CDH2: variants seen among roughly 807,000 people sequenced by gnomAD.
CDH2 encodes the protein cadherin 2.
Under a neutral mutation model 92.0 loss-of-function variants are expected in CDH2, and 17 were observed. The observed-to-expected ratio is 0.18, with a 90% CI of 0.13 to 0.28. The LOEUF (loss-of-function observed/expected upper bound fraction) is 0.28. Ranked by LOEUF, CDH2 falls within the 10% of genes least tolerant of loss-of-function variation. The pLI is 1.00. For missense variants in CDH2, 862 were observed against 1,133.1 expected (o/e 0.76, Z 3.44); for synonymous variants, 419 against 415.9 (o/e 1.01, Z -0.09).
intron 1 of CDH2, among the ~76,000 whole-genome samples, chr18:28,166,176 CTG>C (rs1465079116): frequency 2.4e-5 from 1 of 41,156 alleles, no homozygotes; most frequent in Non-Finnish European, 4.1e-5. Flanking sequence ...ATATATATGT[CTG>C]TATTTTAATT....
intron 1 of CDH2, among the ~76,000 whole-genome samples, chr18:28,171,388 T>G (rs1287731384): frequency 6.6e-6 from 1 of 151,868 alleles, no homozygotes; most frequent in African/African-American, 2.4e-5. Context: ...ATAAAACTAA[T>G]AAAAAAAATT....
chr18:27,954,789 A>G (rs568124924), intron 15 of CDH2, among the ~76,000 whole-genome samples: 1 of 152,290 alleles, frequency 6.6e-6, no homozygotes, highest in South Asian at 2.1e-4. Flanking sequence ...ATATTATTGC[A>G]ATGTATTCTG....
intron 2 of CDH2, among the ~76,000 whole-genome samples, chr18:28,131,855 GA>G (rs1713899346): frequency 6.6e-6 from 1 of 152,074 alleles, no homozygotes; most frequent in South Asian, 2.1e-4. Flanking sequence ...CTCTGCAATA[GA>G]TATTACTCCC....
intron 1 of CDH2, among the ~76,000 whole-genome samples, chr18:28,165,961 G>A (rs928786095): frequency 2.0e-5 from 3 of 151,258 alleles, no homozygotes; most frequent in African/African-American, 7.3e-5. Flanking sequence ...ACAAAATAAA[G>A]CAAGACCTCT....
At chr18:27,986,699 G>A (rs977046803) in intron 11 of CDH2, among the ~76,000 whole-genome samples, 2 of 152,158 alleles carry the variant, frequency 1.3e-5, no homozygotes, top group African/African-American at 4.8e-5. Flanking sequence ...CCTGGGGAGG[G>A]AATAAGGAGG....
intron 2 of CDH2, among the ~76,000 whole-genome samples, chr18:28,144,827 AAC>A (rs1373011639): frequency 2.0e-5 from 3 of 152,088 alleles, no homozygotes; most frequent in Non-Finnish European, 4.4e-5. Flanking sequence ...TTTCACAAAA[AAC>A]ACACGGTTAA....
chr18:28,123,782 T>C (rs1206270469), intron 2 of CDH2, among the ~76,000 whole-genome samples: 2 of 152,104 alleles, frequency 1.3e-5, no homozygotes, highest in Admixed American at 1.3e-4. Context: ...CCCTAACTGT[T>C]TGCAAGACCA....
At chr18:28,024,817 A>G (rs550048534) in intron 2 of CDH2, among the ~76,000 whole-genome samples, 11 of 152,130 alleles carry the variant, frequency 7.2e-5, no homozygotes, top group Non-Finnish European at 1.5e-4. Context: ...ATCAATAATA[A>G]GACTTTTGAC....
chr18:28,092,286 C>T (rs17468846), intron 2 of CDH2, among the ~76,000 whole-genome samples: 1 of 152,088 alleles, frequency 6.6e-6, no homozygotes, highest in Non-Finnish European at 1.5e-5. Context: ...AGAGAAATTA[C>T]TGACCATGAT....
chr18:27,934,639 T>C (rs1040591532), intron 6 of CDH2, among the ~76,000 whole-genome samples: 1 of 152,178 alleles, frequency 6.6e-6, no homozygotes, highest in East Asian at 1.9e-4. Context: ...AATATTAACA[T>C]ACAATGAAAT....
chr18:27,960,449 A>C (rs2011371894), intron 15 of CDH2, among the ~76,000 whole-genome samples: 1 of 152,230 alleles, frequency 6.6e-6, no homozygotes, highest in Non-Finnish European at 1.5e-5. Context: ...TTCTCTGTAG[A>C]TAGCCTGCAA....
chr18:27,980,114 G>A (rs1462870584), intron 14 of CDH2, among the ~76,000 whole-genome samples: 1 of 152,080 alleles, frequency 6.6e-6, no homozygotes, highest in East Asian at 1.9e-4. Context: ...AAGAGTGAGA[G>A]GAGGAAGACA....
chr18:28,075,681 C>G (rs1157312491), intron 2 of CDH2, among the ~76,000 whole-genome samples: 2 of 152,146 alleles, frequency 1.3e-5, no homozygotes, highest in Admixed American at 1.3e-4. Context: ...CTAGCAGCTG[C>G]AGGACATTTG....
At chr18:28,040,815 G>C (rs1383485272) in intron 2 of CDH2, among the ~76,000 whole-genome samples, 1 of 152,132 alleles carries the variant, frequency 6.6e-6, no homozygotes, top group African/African-American at 2.4e-5. Context: ...CAAATACCAA[G>C]TATTCTAGTT....
chr18:27,988,701 T>C lies in CDH2; in HGVS notation c.1599-35A>G, dbSNP rs200072203. On this transcript the variant is annotated intron_variant, in intron 10 of 15. Coordinates refer to ENST00000269141, the MANE Select transcript of CDH2 (RefSeq NM_001792.5). ...GAAAGTGAAGTTTAATTTCTTTTTA[T>C]GAAACTTTAAAAAAACATATTTTAC... The C allele has an allele frequency of 2.8e-5, 42 of 1,506,550 alleles. No individual in the cohort carries two copies. In the South Asian group the frequency reaches 4.4e-4, roughly 16 times the overall value. 93.3% of individuals were successfully genotyped at this position (1,506,550 alleles called of 1,614,324 possible). A position where few individuals can be genotyped will look rare whatever the true frequency, so the allele number is the denominator to read the frequency against.
intron 2 of CDH2, among the ~76,000 whole-genome samples, chr18:28,076,600 T>C (rs2014723726): frequency 6.6e-6 from 1 of 152,130 alleles, no homozygotes; most frequent in African/African-American, 2.4e-5. Context: ...TGCAGGTTTG[T>C]TACATATGTA....
intron 2 of CDH2, among the ~76,000 whole-genome samples, chr18:28,030,215 C>G (rs1485661663): frequency 1.3e-5 from 2 of 151,788 alleles, no homozygotes; most frequent in Non-Finnish European, 2.9e-5. Flanking sequence ...ATTTGACTTC[C>G]ATAAGCATAA....
chr18:28,165,709 CTTTT>C (rs10540750), intron 1 of CDH2, among the ~76,000 whole-genome samples: 2 of 144,494 alleles, frequency 1.4e-5, no homozygotes, highest in African/African-American at 5.0e-5. Flanking sequence ...AGTCCCCAAT[CTTTT>C]TTTTTTTTTC....
At chr18:28,087,321 G>A (rs902428746) in intron 2 of CDH2, among the ~76,000 whole-genome samples, 3 of 152,168 alleles carry the variant, frequency 2.0e-5, no homozygotes, top group South Asian at 2.1e-4. Context: ...GGACAAAGAT[G>A]TAAACACAAT....
Sources: allele counts gnomAD v4.1 joint callset (sites outside exome capture counted in the v4.1 genomes callset), GRCh38; gene constraint gnomAD v4.1.1; transcripts MANE v1.5; gene names NCBI Gene and HGNC (gene_info 2026-07-23, HGNC 2026-07-21).